Variants in EIF4G3 observed in about 807,000 individuals in gnomAD.
The protein encoded by EIF4G3 is eIF-4-gamma 3.
Under a neutral mutation model 186.4 loss-of-function variants are expected in EIF4G3, and 34 were observed. That is an observed-to-expected ratio of 0.18 (90% confidence interval 0.14 to 0.24). EIF4G3 has a LOEUF of 0.24. EIF4G3 is among the 10% of genes least tolerant of loss of function. The pLI, the probability that EIF4G3 is intolerant of heterozygous loss-of-function variation, is 1.00. For missense variants in EIF4G3, 1,536 were observed against 1,948.5 expected, an observed-to-expected ratio of 0.79 and a Z score of 3.99; for synonymous variants, 673 against 679.5, an observed-to-expected ratio of 0.99 and a Z score of 0.15.
intron 2 of EIF4G3, among the ~76,000 whole-genome samples, chr1:21,100,602 C>T (rs541166143): frequency 1.4e-4 from 22 of 152,000 alleles, no homozygotes; most frequent in Non-Finnish European, 1.2e-4. Flanking sequence ...GTTTCACGTG[C>T]CTATAGTCCC....
At chr1:21,055,009 T>C (rs75677277) in intron 3 of EIF4G3, among the ~76,000 whole-genome samples, 4,212 of 152,288 alleles carry the variant, frequency 0.028, 97 homozygotes, top group Non-Finnish European at 0.042. Context: ...TGAGTGACTA[T>C]TACATTTATA....
chr1:20,987,264 A>G (rs908518167), intron 7 of EIF4G3, among the ~76,000 whole-genome samples: 2 of 152,246 alleles, frequency 1.3e-5, no homozygotes. Context: ...AAATTATATA[A>G]CAGAAATTCT....
At chr1:20,914,524 C>T (rs1385921492) in intron 14 of EIF4G3, among the ~76,000 whole-genome samples, 1 of 152,110 alleles carries the variant, frequency 6.6e-6, no homozygotes, top group Admixed American at 6.5e-5. Context: ...GAGTCACAGA[C>T]CTGATGACAC....
chr1:20,978,230 G>C (rs1208238099), intron 10 of EIF4G3, among the ~76,000 whole-genome samples: 2 of 152,018 alleles, frequency 1.3e-5, no homozygotes, highest in African/African-American at 4.8e-5. Flanking sequence ...GTAAGTCCAA[G>C]GATTACACAA....
intron 28 of EIF4G3, among the ~76,000 whole-genome samples, chr1:20,849,855 G>T (rs2072681223): frequency 6.6e-6 from 1 of 152,056 alleles, no homozygotes; most frequent in Non-Finnish European, 1.5e-5. Flanking sequence ...CACAGGTCAG[G>T]GCCCTGCTCG....
chr1:21,056,213 T>TC (rs903813508), intron 3 of EIF4G3, among the ~76,000 whole-genome samples: 1 of 152,150 alleles, frequency 6.6e-6, no homozygotes, highest in Non-Finnish European at 1.5e-5. Context: ...AGGCACTTCC[T>TC]CCTAAATTTG....
intron 20 of EIF4G3, among the ~76,000 whole-genome samples, chr1:20,871,707 A>G (rs2154553083): frequency 1.3e-5 from 2 of 152,350 alleles, no homozygotes; most frequent in Middle Eastern, 3.4e-3. Context: ...TGCTTATGCC[A>G]GCATTGCTGA....
intron 3 of EIF4G3, among the ~76,000 whole-genome samples, chr1:21,065,906 G>A (rs749485066): frequency 4.6e-5 from 7 of 152,136 alleles, no homozygotes; most frequent in African/African-American, 2.4e-5. Context: ...ATGGGGGTGA[G>A]AGTGTTACAA....
intron 2 of EIF4G3, chr1:21,168,164 G>A: frequency 2.5e-6 from 1 of 400,766 alleles, no homozygotes. Flanking sequence ...AACACTTTGG[G>A]AGGCTGAGGT....
At chr1:20,924,890 A>G (rs1179975131) in intron 14 of EIF4G3, among the ~76,000 whole-genome samples, 2 of 152,242 alleles carry the variant, frequency 1.3e-5, no homozygotes, top group East Asian at 3.8e-4. Context: ...GAGACCTAAG[A>G]CACATATTAC....
intron 29 of EIF4G3, 84 bp from the exon 30 acceptor site, chr1:20,841,112 A>C: frequency 7.1e-7 from 1 of 1,402,886 alleles, no homozygotes; most frequent in East Asian, 2.3e-5. Context: ...TCTTTTACTT[A>C]CAACAGAATC....
chr1:20,951,333 G>A (rs2096209862), intron 12 of EIF4G3, among the ~76,000 whole-genome samples: 1 of 151,942 alleles, frequency 6.6e-6, no homozygotes, highest in Non-Finnish European at 1.5e-5. Flanking sequence ...CAGAAATAGG[G>A]AAAATGCTAT....
At chr1:21,078,015 T>A (rs973279112) in intron 3 of EIF4G3, among the ~76,000 whole-genome samples, 1 of 151,850 alleles carries the variant, frequency 6.6e-6, no homozygotes, top group Non-Finnish European at 1.5e-5. Flanking sequence ...AAAACTACAA[T>A]AGATCTACCA....
intron 12 of EIF4G3, among the ~76,000 whole-genome samples, chr1:20,953,651 C>A (rs1177750836): frequency 6.6e-6 from 1 of 152,092 alleles, no homozygotes; most frequent in Non-Finnish European, 1.5e-5. Context: ...AAAAAGGGGT[C>A]ACCTTCTTTT....
chr1:20,999,308 G>T, intron 6 of EIF4G3: 1 of 352,756 alleles, frequency 2.8e-6, no homozygotes. Flanking sequence ...AGAAATTGAG[G>T]TCTTGTATTT....
At chr1:21,119,655 T>C (rs980856067) in intron 2 of EIF4G3, among the ~76,000 whole-genome samples, 3 of 152,340 alleles carry the variant, frequency 2.0e-5, no homozygotes, top group East Asian at 3.9e-4. Context: ...CCATAACCTA[T>C]AGATCTGCAG....
chr1:21,067,118 A>ATT (rs1250014397), intron 3 of EIF4G3, among the ~76,000 whole-genome samples: 1 of 145,344 alleles, frequency 6.9e-6, no homozygotes, highest in African/African-American at 2.5e-5. Context: ...ATATTAAGTA[A>ATT]TTTTTTTCTT....
intron 3 of EIF4G3, among the ~76,000 whole-genome samples, chr1:21,075,680 T>C (rs1453281110): frequency 1.4e-5 from 2 of 143,966 alleles, no homozygotes; most frequent in African/African-American, 5.2e-5. Context: ...GTAGCTATAC[T>C]ACTCCTGCCT....
chr1:20,966,722 C>A (rs1023028753), intron 12 of EIF4G3, among the ~76,000 whole-genome samples: 2 of 152,080 alleles, frequency 1.3e-5, no homozygotes, highest in Non-Finnish European at 2.9e-5. Flanking sequence ...GATCTGCCCG[C>A]CTCAGCCTCC....
Sources: gnomAD v4.1 joint callset for allele counts (sites outside exome capture counted in the v4.1 genomes callset) on GRCh38, gnomAD v4.1.1 for gene constraint, MANE v1.5 for transcripts, NCBI Gene and HGNC (gene_info 2026-07-23, HGNC 2026-07-21) for gene names.